The following THSD4 variants were observed in gnomAD, a reference collection of about 807,000 sequenced individuals.
The protein encoded by THSD4 is thrombospondin type 1 domain containing 4.
A neutral mutation model predicts 119.0 loss-of-function variants in THSD4; 69 were observed. The ratio of observed to expected loss-of-function variants is 0.58; its 90% confidence interval spans 0.48 to 0.71. The LOEUF (loss-of-function observed/expected upper bound fraction) is 0.71, where lower values mean the gene tolerates loss of function less well. Ranked by LOEUF, THSD4 falls within the 30% of genes least tolerant of loss-of-function variation. The pLI, the probability that THSD4 is intolerant of heterozygous loss-of-function variation, is 0.00. For synonymous variants in THSD4, 524 were observed against 540.4 expected, an observed-to-expected ratio of 0.97 and a Z score of 0.42; for missense variants, 1,393 against 1,391.1, an observed-to-expected ratio of 1.00 and a Z score of -0.02.
In THSD4 at chr15:71,779,389, T is replaced by G. The variant is rs370000213; in HGVS notation, c.*2015T>G. The G allele has an allele frequency of 6.6e-6, 1 of 152,402 alleles. No individual in the cohort carries two copies. The highest frequency in any genetic ancestry group is 1.9e-4 in the East Asian group (1 of 5,184). 9.4% of individuals were successfully genotyped at this position (152,402 alleles called of 1,614,324 possible). On this transcript the variant is annotated 3_prime_UTR_variant, in exon 18 of 18. Transcript: ENST00000261862. ...TGCTTGTCACGAGGAGAGTTGTTCC[T>G]GTATGTGGCTGCTCTCAGATCTTTC...
chr15:71,431,570 A>G (rs1281952177), intron 7 of THSD4, among the ~76,000 whole-genome samples: 2 of 152,220 alleles, frequency 1.3e-5, no homozygotes, highest in African/African-American at 4.8e-5. Context: ...ATCTGTATGT[A>G]AAAAGCAGTT....
At position 71,199,867 on chromosome 15, in the gene THSD4, GTGTGTGTGTGTGGTGCATGTGTGGTA is replaced by G. The variant is rs1295601388; in HGVS notation, c.100-15157_100-15132del. ...GCTGTGTGTGATGCATGTGTGGGGT[GTGTGTGTGTGTGGTGCATGTGTGGTA>G]TGTGTGTGTGGTGCATGTGTGGGGT... On this transcript the variant is annotated intron_variant, in intron 3 of 17. Transcript: ENST00000261862. Among the ~76,000 whole-genome samples the G allele has an allele frequency of 1.6e-3, 190 of 120,978 alleles. 1 individual carries two copies. The highest frequency in any genetic ancestry group is 4.7e-3 in the Middle Eastern group (1 of 212). 79.4% of individuals were successfully genotyped at this position (120,978 alleles called of 152,430 possible).
chr15:71,426,413 G>T (rs1197075995), intron 7 of THSD4, among the ~76,000 whole-genome samples: 1 of 148,294 alleles, frequency 6.7e-6, no homozygotes, highest in African/African-American at 2.5e-5. Context: ...GTGTTCAGGT[G>T]CTGAATGTCC....
At chr15:71,345,710 G>T (rs956327564) in intron 6 of THSD4, among the ~76,000 whole-genome samples, 7 of 151,970 alleles carry the variant, frequency 4.6e-5, no homozygotes, top group African/African-American at 1.7e-4. Flanking sequence ...GTTGTTGCTA[G>T]AGAAGAACAT....
intron 17 of THSD4, among the ~76,000 whole-genome samples, chr15:71,775,854 A>C (rs551404751): frequency 2.6e-5 from 4 of 152,376 alleles, no homozygotes; most frequent in Non-Finnish European, 5.9e-5. Flanking sequence ...TCTTGGCACA[A>C]GGATGGATAA....
chr15:71,627,888 G>A (rs192135859), intron 7 of THSD4, among the ~76,000 whole-genome samples: 1 of 152,166 alleles, frequency 6.6e-6, no homozygotes, highest in African/African-American at 2.4e-5. Context: ...TCATGTGGGG[G>A]TTACCAGCAG....
intron 7 of THSD4, among the ~76,000 whole-genome samples, chr15:71,595,897 T>C (rs1474899832): frequency 6.6e-6 from 1 of 152,234 alleles, no homozygotes; most frequent in Non-Finnish European, 1.5e-5. Flanking sequence ...GACTTGTGTC[T>C]GTGTTTTTGT....
intron 7 of THSD4, among the ~76,000 whole-genome samples, chr15:71,501,773 C>T (rs1023017968): frequency 7.2e-5 from 11 of 152,320 alleles, no homozygotes; most frequent in Admixed American, 7.2e-4. Flanking sequence ...TTGTTTTCTA[C>T]CATAAAAGCT....
At chr15:71,320,903 A>T (rs559745572) in intron 6 of THSD4, among the ~76,000 whole-genome samples, 15 of 152,192 alleles carry the variant, frequency 9.9e-5, no homozygotes, top group African/African-American at 3.6e-4. Context: ...GGATTTAATA[A>T]CATGGTTTCA....
At chr15:71,497,772 A>T (rs564577031) in intron 7 of THSD4, among the ~76,000 whole-genome samples, 1 of 152,146 alleles carries the variant, frequency 6.6e-6, no homozygotes, top group East Asian at 1.9e-4. Context: ...CCTGTTTATC[A>T]ACATAAAGTT....
At chr15:71,491,543 T>G (rs1326889134) in intron 7 of THSD4, among the ~76,000 whole-genome samples, 2 of 152,202 alleles carry the variant, frequency 1.3e-5, no homozygotes, top group African/African-American at 4.8e-5. Flanking sequence ...ATGTAGCTCC[T>G]CAACTTTGGA....
intron 7 of THSD4, among the ~76,000 whole-genome samples, chr15:71,581,304 G>T (rs2049553353): frequency 6.6e-6 from 1 of 152,144 alleles, no homozygotes; most frequent in South Asian, 2.1e-4. Context: ...TTTCCTTGGT[G>T]ATTAGTGATA....
In THSD4 at chr15:71,148,184, C is replaced by A. The variant is rs1041670270; in HGVS notation, c.29+6628C>A. On this transcript the variant is annotated intron_variant, in intron 2 of 17. Coordinates refer to ENST00000261862, the MANE Select transcript of THSD4 (RefSeq NM_024817.3). ...GAGCCAGGCAGGCCTTTTCCCGGGG[C>A]CTGTTGGTCTTGGTTTGGCTGCAGC... 7.4e-4 allele frequency among the ~76,000 whole-genome samples: 112 copies of A among 152,136 alleles called. 1 individual carries two copies. Among genetic ancestry groups the A allele is most frequent in the African/African-American group, 2.6e-3 (108 of 41,422 alleles).
At chr15:71,346,868 C>CTTTTTCTT (rs2045668177) in intron 6 of THSD4, among the ~76,000 whole-genome samples, 1 of 86,010 alleles carries the variant, frequency 1.2e-5, no homozygotes, top group African/African-American at 4.8e-5. Flanking sequence ...TTTTCATTTT[C>CTTTTTCTT]TTTTTTTTTT....
rs531449614 is a variant in THSD4, at chr15:71,659,996, C to T, written c.1153-534C>T. Among the ~76,000 whole-genome samples the T allele has an allele frequency of 3.5e-4, 53 of 151,802 alleles. No individual in the cohort carries two copies. The South Asian group carries it at 9.4e-3, about 27-fold the overall frequency. Reference sequence around the variant, plus strand: ...TGCTCTGGGGTAACCAAGGAAAAGTCCTGCTTCTGAGGCCTCTAGAGCCAC... The same window carrying T: ...TGCTCTGGGGTAACCAAGGAAAAGTTCTGCTTCTGAGGCCTCTAGAGCCAC... On this transcript the variant is annotated intron_variant, in intron 7 of 17. Coordinates refer to ENST00000261862, the MANE Select transcript of THSD4 (RefSeq NM_024817.3).
At chr15:71,183,040 A>G (rs374109268) in intron 3 of THSD4, 2 of 151,960 alleles carry the variant, frequency 1.3e-5, no homozygotes, top group East Asian at 1.9e-4. Context: ...GTCTGTTCTC[A>G]TGCTACTAAT....
intron 7 of THSD4, among the ~76,000 whole-genome samples, chr15:71,454,021 C>T (rs1038888723): frequency 5.9e-5 from 9 of 152,190 alleles, no homozygotes; most frequent in Non-Finnish European, 2.9e-5. Flanking sequence ...CTTTGGGAGG[C>T]CAAGGCAGAT....
chr15:71,662,461 G>A (rs2051329658), intron 8 of THSD4, among the ~76,000 whole-genome samples: 1 of 152,108 alleles, frequency 6.6e-6, no homozygotes. Context: ...GTACTGCTAT[G>A]AGATCACATC....
chr15:71,460,305 GT>G (rs563476190), intron 7 of THSD4, among the ~76,000 whole-genome samples: 3,204 of 122,584 alleles, frequency 0.026, 52 homozygotes, highest in South Asian at 0.11. Context: ...AAGTTGCCTG[GT>G]TTTTTTTTTT....
Sources: gnomAD v4.1 joint callset for allele counts (sites outside exome capture counted in the v4.1 genomes callset) on GRCh38, gnomAD v4.1.1 for gene constraint, MANE v1.5 for transcripts, NCBI Gene and HGNC (gene_info 2026-07-23, HGNC 2026-07-21) for gene names.